ARHGAP23: variants seen among roughly 807,000 people sequenced by gnomAD.
ARHGAP23 encodes Rho GTPase activating protein 23.
In ARHGAP23, 34 loss-of-function variants were observed where a neutral mutation model predicts 136.3. That is an observed-to-expected ratio of 0.25 (90% confidence interval 0.19 to 0.33). The LOEUF (loss-of-function observed/expected upper bound fraction) is 0.33. Ranked by LOEUF, ARHGAP23 falls within the 10% of genes least tolerant of loss-of-function variation. The probability of loss-of-function intolerance (pLI) is 1.00; values close to 1 mark genes in which losing one functional copy is unlikely to be tolerated. For missense variants in ARHGAP23, 1,808 were observed against 2,139.0 expected, an observed-to-expected ratio of 0.85 and a Z score of 3.05; for synonymous variants, 832 against 920.5, an observed-to-expected ratio of 0.90 and a Z score of 1.74.
intron 12 of ARHGAP23, among the ~76,000 whole-genome samples, chr17:38,478,967 C>T (rs1247630074): frequency 6.6e-6 from 1 of 152,196 alleles, no homozygotes; most frequent in Non-Finnish European, 1.5e-5. Context: ...TGACCAGGCT[C>T]TGCTCTCCCG....
intron 20 of ARHGAP23, 97 bp from the exon 21 acceptor site, chr17:38,497,688 G>A (rs992923664): frequency 1.9e-5 from 25 of 1,296,230 alleles, no homozygotes; most frequent in East Asian, 1.0e-4. Flanking sequence ...AGAGAGAGGC[G>A]CCCCTTGCCG....
intron 1 of ARHGAP23, among the ~76,000 whole-genome samples, chr17:38,423,329 A>G (rs570072361): frequency 1.3e-5 from 2 of 150,782 alleles, no homozygotes; most frequent in African/African-American, 2.4e-5. Context: ...AGTAGCTGAG[A>G]CTACAGGCAC....
chr17:38,423,706 C>G (rs926228811), upstream of ARHGAP23, among the ~76,000 whole-genome samples: 2 of 151,932 alleles, frequency 1.3e-5, no homozygotes, highest in African/African-American at 2.4e-5. Flanking sequence ...AAATGGGGCC[C>G]CTCTCGCTTT....
At chr17:38,435,665 C>T (rs1395170821) in intron 1 of ARHGAP23, among the ~76,000 whole-genome samples, 6 of 152,238 alleles carry the variant, frequency 3.9e-5, no homozygotes, top group Non-Finnish European at 7.4e-5. Flanking sequence ...TGCAATGGCG[C>T]GATCTCGGCT....
chr17:38,510,892 C>A lies in ARHGAP23; in HGVS notation c.4396C>A (p.Pro1466Thr). ...RAPSSAASQPPAPGDTGSLQS... is the reference protein window; with the variant it reads ...RAPSSAASQPTAPGDTGSLQS... ...CCCGTCGTCCGCTGCCTCGCAGCCG[C>A]CCGCGCCCGGGGACACGGGGTCCCT... is the stretch of plus-strand genomic sequence containing the variant. The change falls in exon 24 of 24, where the codon CCC becomes ACC. Residue 1466 changes from proline (P) to threonine (T), a missense_variant. Pro to Thr is a conservative substitution (Grantham distance 38). Around this residue, in one of 7 missense-constraint regions of ARHGAP23, gnomAD observed 506 missense variants for 455.8 expected, o/e 1.11. Coordinates refer to ENST00000622683, the MANE Select transcript of ARHGAP23 (RefSeq NM_001199417.2). This position sits in a 1 kb window ranked among gnomAD's most constrained non-coding sequence, Gnocchi z 4.6. 1 of 1,491,882 alleles carries A rather than the reference C, an allele frequency of 6.7e-7. No individual in the cohort carries two copies. The highest frequency in any genetic ancestry group is 8.9e-7 in the Non-Finnish European group (1 of 1,129,398). 92.4% of individuals were successfully genotyped at this position (1,491,882 alleles called of 1,614,324 possible). A position where few individuals can be genotyped will look rare whatever the true frequency, so the allele number is the denominator to read the frequency against.
At chr17:38,460,241 C>T (rs1438622983) in intron 2 of ARHGAP23, among the ~76,000 whole-genome samples, 2 of 152,194 alleles carry the variant, frequency 1.3e-5, no homozygotes, top group Non-Finnish European at 2.9e-5. Flanking sequence ...ATCCTCTCCC[C>T]TAACTCTCAT....
chr17:38,480,451 G>A lies in ARHGAP23; in HGVS notation c.2629+568G>A, dbSNP rs546097171. On this transcript the variant is annotated intron_variant, in intron 14 of 23. Transcript: ENST00000622683. ...GATCGAGACCATCCTGGCTAACACG[G>A]TGAAACCCCGTCTCTACTAAAAAAT... Among the ~76,000 whole-genome samples the A allele has an allele frequency of 9.9e-5, 15 of 152,280 alleles. No homozygotes were observed. The South Asian group carries it at 2.9e-3, about 29-fold the overall frequency.
intron 14 of ARHGAP23, among the ~76,000 whole-genome samples, chr17:38,481,349 G>A (rs1249010975): frequency 5.3e-5 from 8 of 151,874 alleles, no homozygotes; most frequent in East Asian, 1.9e-4. Context: ...GGGTTTCACC[G>A]TGTTAGCCAG....
intron 20 of ARHGAP23, among the ~76,000 whole-genome samples, chr17:38,496,830 G>C (rs1296882982): frequency 6.6e-6 from 1 of 152,098 alleles, no homozygotes; most frequent in Non-Finnish European, 1.5e-5. Flanking sequence ...GCGTGCACCT[G>C]TAATCCCAGC....
chr17:38,456,464 C>T (rs1396701192), intron 1 of ARHGAP23, among the ~76,000 whole-genome samples: 1 of 152,236 alleles, frequency 6.6e-6, no homozygotes, highest in African/African-American at 2.4e-5. Context: ...ACACCCAGCC[C>T]CTCAGCCTTT....
At chr17:38,461,374 C>T (rs1334916074) in intron 3 of ARHGAP23, among the ~76,000 whole-genome samples, 1 of 152,200 alleles carries the variant, frequency 6.6e-6, no homozygotes, top group Non-Finnish European at 1.5e-5. Context: ...CAGGGATCCC[C>T]CAAGGTCTTT....
chr17:38,492,446 G>A (rs186008421), intron 20 of ARHGAP23, among the ~76,000 whole-genome samples: 2,110 of 152,216 alleles, frequency 0.014, 26 homozygotes, highest in Middle Eastern at 0.065. Flanking sequence ...ATTTTACAGA[G>A]GAGGAAACAG....
intron 23 of ARHGAP23, among the ~76,000 whole-genome samples, chr17:38,506,196 G>A (rs1254514117): frequency 2.0e-5 from 3 of 152,178 alleles, no homozygotes; most frequent in Admixed American, 6.5e-5. Flanking sequence ...TTGAGCATTT[G>A]CTGTGTTACT....
intron 6 of ARHGAP23, 91 bp downstream of exon 6, chr17:38,463,473 G>A (rs2039509703): frequency 6.9e-7 from 1 of 1,458,936 alleles, no homozygotes; most frequent in Non-Finnish European, 9.4e-7. Flanking sequence ...GTGTTTGGAG[G>A]GCACAGGCCG....
chr17:38,482,063 A>C lies in ARHGAP23; in HGVS notation c.2671A>C (p.Ile891Leu). 6.5e-7 allele frequency: 1 copy of C among 1,549,898 alleles called. No homozygotes were observed. Among genetic ancestry groups the C allele is most frequent in the Non-Finnish European group, 8.7e-7 (1 of 1,146,324 alleles). The change falls in exon 15 of 24, where the codon ATC becomes CTC. Residue 891 changes from isoleucine to leucine, a missense_variant. Coordinates refer to ENST00000622683, the MANE Select transcript of ARHGAP23 (RefSeq NM_001199417.2). ...CCCCAAAACCCCCTGGGGCATCAAC[A>C]TCATCAAGAAAAATAAGAAGGCCGC... ...AAPKTPWGINIIKKNKKAAPR... is the reference protein window; with the variant it reads ...AAPKTPWGINLIKKNKKAAPR...
At chr17:38,462,734 T>A (rs2144626993) in intron 3 of ARHGAP23, 112 bp from the exon 4 acceptor site, 1 of 782,616 alleles carries the variant, frequency 1.3e-6, no homozygotes, top group Non-Finnish European at 1.9e-6. Flanking sequence ...TGTGCATGTT[T>A]GTGACCGGAC....
At chr17:38,433,938 C>T (rs994460662) in intron 1 of ARHGAP23, among the ~76,000 whole-genome samples, 5 of 152,052 alleles carry the variant, frequency 3.3e-5, no homozygotes, top group African/African-American at 1.2e-4. Flanking sequence ...CCTCAGTCTC[C>T]TGGGCTGCTG....
intron 1 of ARHGAP23, among the ~76,000 whole-genome samples, chr17:38,422,236 G>A (rs1438614850): frequency 1.3e-5 from 2 of 152,204 alleles, no homozygotes; most frequent in Non-Finnish European, 2.9e-5. Context: ...ACATAGCGGG[G>A]CTAATAATAC....
In ARHGAP23 at chr17:38,487,546, C is replaced by G. The variant is rs181433571; in HGVS notation, c.2986+1406C>G. Among the ~76,000 whole-genome samples, 95 of 152,272 alleles carry G rather than the reference C, an allele frequency of 6.2e-4. 2 individuals are homozygous for G. The Middle Eastern group carries it at 0.01, about 16-fold the overall frequency. ...GTAGGAGTCTGTCTCTCCACATCCCCAACAGCATTGGATATTATAACTATT... is the reference window on the plus strand; with the variant it reads ...GTAGGAGTCTGTCTCTCCACATCCCGAACAGCATTGGATATTATAACTATT... On this transcript the variant is annotated intron_variant, in intron 17 of 23. Coordinates refer to ENST00000622683, the MANE Select transcript of ARHGAP23 (RefSeq NM_001199417.2).
Sources: gnomAD v4.1 joint callset for allele counts (sites outside exome capture counted in the v4.1 genomes callset) on GRCh38, gnomAD v4.1.1 for gene constraint, gnomAD v4.1.1 regional missense constraint, Gnocchi (gnomAD v3.1) non-coding constraint, MANE v1.5 for transcripts, NCBI Gene and HGNC (gene_info 2026-07-23, HGNC 2026-07-21) for gene names.